ZNF521: variants seen among roughly 807,000 people sequenced by gnomAD.
ZNF521 encodes the protein zinc finger protein 521.
Under a neutral mutation model 105.5 loss-of-function variants are expected in ZNF521, and 14 were observed. That is an observed-to-expected ratio of 0.13 (90% confidence interval 0.09 to 0.21). The LOEUF (loss-of-function observed/expected upper bound fraction) is 0.21, where lower values mean the gene tolerates loss of function less well. Among genes scored for constraint, ZNF521 ranks in the 10% least tolerant of loss-of-function variants. ZNF521 has a pLI of 1.00. For synonymous variants in ZNF521, 635 were observed against 606.0 expected (o/e 1.05, Z -0.70); for missense variants, 1,233 against 1,629.7 (o/e 0.76, Z 4.19).
At chr18:25,218,898 C>A (rs1186028634) in intron 4 of ZNF521, among the ~76,000 whole-genome samples, 1 of 151,988 alleles carries the variant, frequency 6.6e-6, no homozygotes, top group Non-Finnish European at 1.5e-5. Flanking sequence ...CAGGTTTGAA[C>A]TGCATAGGTC....
intron 4 of ZNF521, among the ~76,000 whole-genome samples, chr18:25,195,680 C>T (rs543754928): frequency 3.0e-4 from 45 of 151,602 alleles, no homozygotes; most frequent in East Asian, 7.7e-4. Flanking sequence ...ATAAGTAATA[C>T]GGCTAATAAG....
chr18:25,241,165 T>C (rs974260180), intron 3 of ZNF521, among the ~76,000 whole-genome samples: 2 of 152,210 alleles, frequency 1.3e-5, no homozygotes, highest in East Asian at 1.9e-4. Context: ...TCACCTGCAG[T>C]GAAGGCTCTC....
chr18:25,238,667 G>GC (rs1297509246), intron 3 of ZNF521, among the ~76,000 whole-genome samples: 2 of 152,106 alleles, frequency 1.3e-5, no homozygotes, highest in African/African-American at 4.8e-5. Context: ...TATCCCTTAA[G>GC]CTACCCTTCT....
intron 5 of ZNF521, among the ~76,000 whole-genome samples, chr18:25,177,449 A>G (rs537464928): frequency 6.6e-6 from 1 of 152,318 alleles, no homozygotes; most frequent in Non-Finnish European, 1.5e-5. Context: ...TACCTTACAC[A>G]TTACAGATTT....
In ZNF521 at chr18:25,092,055, G is replaced by C; in HGVS notation, c.3685C>G (p.Leu1229Val). ...IDEGLNHECK[L>V]CSQTFDSPAK... ...GGAGAGTCAAAGGTCTGGCTGCAGAGTTTGCATTCATGGTTCAGTCCTTCA... is the reference window on the plus strand; with the variant it reads ...GGAGAGTCAAAGGTCTGGCTGCAGACTTTGCATTCATGGTTCAGTCCTTCA... The change falls in exon 6 of 8, where the codon CTC (leucine) becomes GTC (valine). Residue 1229 changes from leucine (L) to valine (V), a missense_variant. This residue lies in a region of ZNF521 where 76 missense variants were observed against 137.2 expected (regional missense o/e 0.55). Transcript: ENST00000361524. 6.2e-7 allele frequency: 1 copy of C among 1,613,984 alleles called. No individual in the cohort carries two copies. The highest frequency in any genetic ancestry group is 8.5e-7 in the Non-Finnish European group (1 of 1,179,880).
At chr18:25,237,906 TA>T (rs767895482) in intron 3 of ZNF521, among the ~76,000 whole-genome samples, 1 of 152,236 alleles carries the variant, frequency 6.6e-6, no homozygotes, top group Non-Finnish European at 1.5e-5. Flanking sequence ...CTGTCATTCC[TA>T]ACTTTTCATG....
intron 2 of ZNF521, among the ~76,000 whole-genome samples, chr18:25,332,502 C>G (rs1913633974): frequency 6.6e-6 from 1 of 152,006 alleles, no homozygotes; most frequent in South Asian, 2.1e-4. Flanking sequence ...GTCGAAGGTT[C>G]CTTCATCCTG....
intron 3 of ZNF521, among the ~76,000 whole-genome samples, chr18:25,297,552 C>G (rs1366592075): frequency 6.6e-6 from 1 of 152,076 alleles, no homozygotes; most frequent in Non-Finnish European, 1.5e-5. Flanking sequence ...GCGAATACCA[C>G]TAAATGCAGT....
At chr18:25,331,293 G>T (rs992314818) in intron 2 of ZNF521, among the ~76,000 whole-genome samples, 2 of 149,814 alleles carry the variant, frequency 1.3e-5, no homozygotes, top group African/African-American at 2.5e-5. Context: ...CTAATTTCTC[G>T]ATAGTAAAGC....
At chr18:25,120,173 G>A (rs1453654764) in intron 5 of ZNF521, among the ~76,000 whole-genome samples, 1 of 152,116 alleles carries the variant, frequency 6.6e-6, no homozygotes, top group Non-Finnish European at 1.5e-5. Flanking sequence ...TGGTTTCATT[G>A]GTGAATTCTA....
Position 25,160,155 on chromosome 18 carries a change from C to T in ZNF521, c.3658+35005G>A, listed in dbSNP as rs200119155. Among the ~76,000 whole-genome samples, 45 of 152,168 alleles carry T rather than the reference C, an allele frequency of 3.0e-4. No homozygotes were observed. The East Asian group carries it at 8.1e-3, about 27-fold the overall frequency. On this transcript the variant is annotated intron_variant, in intron 5 of 7. Coordinates refer to ENST00000361524, the MANE Select transcript of ZNF521 (RefSeq NM_015461.3). ...TTAGCCATCAGGGGGTTATTTTAGC[C>T]GCATGTTTGTTACTACTCTATTCGT...
chr18:25,237,282 T>G (rs1906964199), intron 3 of ZNF521, among the ~76,000 whole-genome samples: 1 of 152,184 alleles, frequency 6.6e-6, no homozygotes, highest in Non-Finnish European at 1.5e-5. Flanking sequence ...GTAACTCTCA[T>G]TACAAAAGTG....
chr18:25,351,908 GC>G, intron 1 of ZNF521, 96 bp downstream of exon 1: 1 of 282,768 alleles, frequency 3.5e-6, no homozygotes, highest in Non-Finnish European at 7.2e-6. Context: ...GGCAGCGGCG[GC>G]GGCAGCGGCG....
chr18:25,308,510 T>C (rs1052873053), intron 3 of ZNF521, among the ~76,000 whole-genome samples: 3 of 152,124 alleles, frequency 2.0e-5, no homozygotes, highest in Admixed American at 2.0e-4. Flanking sequence ...TGCTGCTTCA[T>C]ACCTCTTTCC....
chr18:25,321,232 C>G (rs571687657), intron 3 of ZNF521, among the ~76,000 whole-genome samples: 1 of 152,278 alleles, frequency 6.6e-6, no homozygotes, highest in African/African-American at 2.4e-5. Flanking sequence ...AGAGTTCTAT[C>G]TAAAATGCCC....
rs1478661685 is a variant in ZNF521 at position 25,091,992 on chromosome 18, C to T, written c.3748G>A (p.Glu1250Lys). ...CACTTGAAGGTGCCTCCCATCCCTT[C>T]GAAGCTGTGCTCTATCAGGTGGCAC... ...LQCHLIEHSF[E>K]GMGGTFKCPV... The change falls in exon 6 of 8, where the codon GAA (glutamate) becomes AAA (lysine). Residue 1250 changes from glutamate (E) to lysine (K), a missense_variant. This residue lies in a region of ZNF521 where 76 missense variants were observed against 137.2 expected (regional missense o/e 0.55). Transcript: ENST00000361524. The T allele has an allele frequency of 1.9e-6, 3 of 1,613,842 alleles. No individual in the cohort carries two copies. Among genetic ancestry groups the T allele is most frequent in the East Asian group, 2.2e-5 (1 of 44,872 alleles).
chr18:25,182,075 C>A (rs2035640851), intron 5 of ZNF521, among the ~76,000 whole-genome samples: 1 of 152,074 alleles, frequency 6.6e-6, no homozygotes, highest in African/African-American at 2.4e-5. Flanking sequence ...TTTTACCATG[C>A]ATTCAATTAG....
At chr18:25,170,002 T>C (rs1216145312) in intron 5 of ZNF521, among the ~76,000 whole-genome samples, 2 of 152,218 alleles carry the variant, frequency 1.3e-5, no homozygotes, top group African/African-American at 4.8e-5. Flanking sequence ...ATCTAGGGTG[T>C]ATTCTTTCCC....
At chr18:25,248,360 A>G (rs1907873220) in intron 3 of ZNF521, among the ~76,000 whole-genome samples, 1 of 152,212 alleles carries the variant, frequency 6.6e-6, no homozygotes, top group African/African-American at 2.4e-5. Flanking sequence ...ATATTGAAGC[A>G]AGAATGATTC....
Sources: gnomAD v4.1 joint callset for allele counts (sites outside exome capture counted in the v4.1 genomes callset) on GRCh38, gnomAD v4.1.1 for gene constraint, gnomAD v4.1.1 regional missense constraint, MANE v1.5 for transcripts, NCBI Gene and HGNC (gene_info 2026-07-23, HGNC 2026-07-21) for gene names.